The following NRG3 variants were observed in gnomAD, a reference collection of about 807,000 sequenced individuals.
The protein encoded by NRG3 is pro-neuregulin-3, membrane-bound isoform.
In NRG3, 31 loss-of-function variants were observed where a neutral mutation model predicts 66.9. The observed-to-expected ratio is 0.46, with a 90% CI of 0.35 to 0.63. The LOEUF is 0.63. NRG3 is among the 20% of genes least tolerant of loss of function. The pLI is 0.00. For synonymous variants in NRG3, 393 were observed against 359.4 expected (o/e 1.09, Z -1.06); for missense variants, 910 against 878.9 (o/e 1.04, Z -0.45).
intron 3 of NRG3, among the ~76,000 whole-genome samples, chr10:82,756,474 G>A (rs573551768): frequency 3.3e-5 from 5 of 152,090 alleles, no homozygotes; most frequent in African/African-American, 1.2e-4. Context: ...TCTCCTTAAT[G>A]TGCCCAGTGT....
intron 2 of NRG3, among the ~76,000 whole-genome samples, chr10:82,500,810 T>TA (rs1235119225): frequency 6.6e-6 from 1 of 152,138 alleles, no homozygotes; most frequent in East Asian, 1.9e-4. Flanking sequence ...TGATGTTATG[T>TA]ATAAACCTGT....
intron 1 of NRG3, among the ~76,000 whole-genome samples, chr10:82,231,817 T>C (rs1482920426): frequency 2.0e-5 from 3 of 152,220 alleles, no homozygotes; most frequent in African/African-American, 7.2e-5. Context: ...TGTGTTTTTC[T>C]CCATTAAAGA....
At chr10:82,601,360 G>C (rs1185040077) in intron 2 of NRG3, among the ~76,000 whole-genome samples, 1 of 152,176 alleles carries the variant, frequency 6.6e-6, no homozygotes, top group Non-Finnish European at 1.5e-5. Context: ...TTGTAATGTT[G>C]AATATAGGTT....
chr10:82,102,153 T>TATATATATAC (rs1292215637), intron 1 of NRG3, among the ~76,000 whole-genome samples: 1 of 123,396 alleles, frequency 8.1e-6, no homozygotes, highest in East Asian at 2.1e-4. Context: ...TATATATATA[T>TATATATATAC]ATATATATAT....
intron 2 of NRG3, among the ~76,000 whole-genome samples, chr10:82,636,759 C>T (rs1214696401): frequency 2.0e-5 from 3 of 151,650 alleles, no homozygotes; most frequent in Non-Finnish European, 4.4e-5. Flanking sequence ...TGAGTATATA[C>T]CCAGAAGAGG....
intron 2 of NRG3, among the ~76,000 whole-genome samples, chr10:82,517,144 A>G (rs1476856755): frequency 1.3e-5 from 2 of 152,072 alleles, no homozygotes; most frequent in South Asian, 2.1e-4. Context: ...TTTTTTTTCA[A>G]CAGAATATGG....
intron 1 of NRG3, among the ~76,000 whole-genome samples, chr10:82,178,743 G>A (rs1455317954): frequency 6.6e-6 from 1 of 152,006 alleles, no homozygotes; most frequent in Non-Finnish European, 1.5e-5. Context: ...CCCAAAAGTA[G>A]GATGGCTCAA....
chr10:82,651,166 G>A (rs906574515), intron 2 of NRG3, among the ~76,000 whole-genome samples: 2 of 152,152 alleles, frequency 1.3e-5, no homozygotes, highest in Non-Finnish European at 2.9e-5. Flanking sequence ...GTTTACATTG[G>A]TTAGAAGAAG....
chr10:82,011,713 G>T (rs576551415), intron 1 of NRG3, among the ~76,000 whole-genome samples: 7 of 152,292 alleles, frequency 4.6e-5, no homozygotes, highest in African/African-American at 1.7e-4. Flanking sequence ...CCCCATGCAA[G>T]TCTGAAATCC....
At chr10:82,235,530 G>A (rs2076710364) in intron 1 of NRG3, among the ~76,000 whole-genome samples, 2 of 152,080 alleles carry the variant, frequency 1.3e-5, no homozygotes, top group Admixed American at 1.3e-4. Flanking sequence ...GATAAAGAAA[G>A]CTTTTTGTGA....
At chr10:82,494,631 C>T (rs1843450842) in intron 2 of NRG3, among the ~76,000 whole-genome samples, 1 of 152,010 alleles carries the variant, frequency 6.6e-6, no homozygotes, top group Non-Finnish European at 1.5e-5. Context: ...ATTAATATGC[C>T]TGCTTTGCCA....
intron 3 of NRG3, among the ~76,000 whole-genome samples, chr10:82,759,595 C>T (rs957842817): frequency 6.6e-6 from 1 of 152,090 alleles, no homozygotes; most frequent in Non-Finnish European, 1.5e-5. Flanking sequence ...CACTGAGATC[C>T]TGCACATAGA....
At chr10:82,560,003 T>G (rs1326425993) in intron 2 of NRG3, among the ~76,000 whole-genome samples, 1 of 151,984 alleles carries the variant, frequency 6.6e-6, no homozygotes, top group Non-Finnish European at 1.5e-5. Context: ...ACTTCCATTT[T>G]CCTTGAGCTT....
chr10:82,587,075 A>C (rs1282092051), intron 2 of NRG3, among the ~76,000 whole-genome samples: 3 of 152,152 alleles, frequency 2.0e-5, no homozygotes, highest in Non-Finnish European at 2.9e-5. Context: ...AAAACTATTA[A>C]CAAAATAATA....
At chr10:82,737,887 T>C (rs1421108503) in intron 2 of NRG3, among the ~76,000 whole-genome samples, 1 of 152,168 alleles carries the variant, frequency 6.6e-6, no homozygotes, top group East Asian at 1.9e-4. Context: ...TGTGCCCGCC[T>C]CAGGACAGTT....
intron 1 of NRG3, among the ~76,000 whole-genome samples, chr10:82,172,863 C>T (rs758042811): frequency 2.0e-5 from 3 of 152,036 alleles, no homozygotes; most frequent in Admixed American, 6.6e-5. Context: ...TCATTCCCAA[C>T]AAAAGCAACC....
chr10:82,503,721 G>A (rs1193806847), intron 2 of NRG3, among the ~76,000 whole-genome samples: 2 of 152,112 alleles, frequency 1.3e-5, no homozygotes, highest in Non-Finnish European at 2.9e-5. Context: ...TGGTTTGGAA[G>A]CTCAGGAAAG....
intron 2 of NRG3, among the ~76,000 whole-genome samples, chr10:82,628,285 T>C (rs1483958956): frequency 6.6e-6 from 1 of 152,226 alleles, no homozygotes; most frequent in Non-Finnish European, 1.5e-5. Context: ...AATGATTACA[T>C]TACAAAGCTG....
intron 4 of NRG3, among the ~76,000 whole-genome samples, chr10:82,897,322 A>G (rs778938398): frequency 6.6e-6 from 1 of 152,194 alleles, no homozygotes; most frequent in Non-Finnish European, 1.5e-5. Context: ...GTAAGTTTAA[A>G]TGCTAAATGA....
Sources: allele counts gnomAD v4.1 joint callset (sites outside exome capture counted in the v4.1 genomes callset), GRCh38; gene constraint gnomAD v4.1.1; transcripts MANE v1.5; gene names NCBI Gene and HGNC (gene_info 2026-07-23, HGNC 2026-07-21).